Variants in ZFHX3 observed in about 807,000 individuals in gnomAD.
ZFHX3 encodes zinc finger homeobox protein 3.
ZFHX3 carries 42 observed loss-of-function variants against 279.1 expected under a neutral mutation model. The observed-to-expected ratio is 0.15, with a 90% CI of 0.12 to 0.19. The LOEUF (loss-of-function observed/expected upper bound fraction) is 0.19, where lower values mean the gene tolerates loss of function less well. Ranked by LOEUF, ZFHX3 falls within the 10% of genes least tolerant of loss-of-function variation. The probability of loss-of-function intolerance (pLI) is 1.00; values close to 1 mark genes in which losing one functional copy is unlikely to be tolerated. For missense variants in ZFHX3, 4,981 were observed against 4,754.0 expected (o/e 1.05, Z -1.40); for synonymous variants, 2,293 against 1,957.8 (o/e 1.17, Z -4.52).
intron 1 of ZFHX3, among the ~76,000 whole-genome samples, chr16:73,026,020 A>G (rs1964482918): frequency 1.3e-5 from 2 of 151,832 alleles, no homozygotes; most frequent in South Asian, 4.2e-4. Flanking sequence ...AAAGGAACAC[A>G]CCCATGTCTT....
chr16:72,799,911 G>C (rs1316599374), intron 8 of ZFHX3, 116 bp downstream of exon 8: 7 of 901,078 alleles, frequency 7.8e-6, no homozygotes, highest in Non-Finnish European at 1.3e-5. Flanking sequence ...CTCATCTCCT[G>C]ATCAGTTACA....
chr16:73,168,254 T>TCTTTCTTTCTTG (rs1967435764), intron 5 of ZFHX3, among the ~76,000 whole-genome samples: 2 of 149,228 alleles, frequency 1.3e-5, no homozygotes, highest in Non-Finnish European at 3.0e-5. Context: ...TTTCTTTCTT[T>TCTTTCTTTCTTG]CTTTCTTTCT....
chr16:73,347,398 G>A (rs1220641372), intron 3 of ZFHX3, among the ~76,000 whole-genome samples: 1 of 152,226 alleles, frequency 6.6e-6, no homozygotes, highest in Non-Finnish European at 1.5e-5. Flanking sequence ...CCCAGTCGTG[G>A]AAACACACTT....
intron 7 of ZFHX3, among the ~76,000 whole-genome samples, chr16:73,102,861 TGGCCTAGGTCA>T (rs1232281624): frequency 1.3e-5 from 2 of 152,228 alleles, no homozygotes; most frequent in Non-Finnish European, 2.9e-5. Context: ...ACGTGGTTCC[TGGCCTAGGTCA>T]GGCACTCAGT....
chr16:73,470,361 C>T (rs1202597974), intron 2 of ZFHX3, among the ~76,000 whole-genome samples: 1 of 152,214 alleles, frequency 6.6e-6, no homozygotes, highest in Non-Finnish European at 1.5e-5. Context: ...GAAATCCAGA[C>T]AGTCCTGGTC....
At chr16:73,374,630 T>C (rs1324309290) in intron 3 of ZFHX3, among the ~76,000 whole-genome samples, 2 of 152,254 alleles carry the variant, frequency 1.3e-5, no homozygotes, top group East Asian at 1.9e-4. Flanking sequence ...TTTTGAAGCC[T>C]GAATTAGGAT....
At chr16:73,063,511 A>G (rs1035705417), upstream of ZFHX3, among the ~76,000 whole-genome samples, 2 of 152,158 alleles carry the variant, frequency 1.3e-5, no homozygotes, top group African/African-American at 4.8e-5. Flanking sequence ...GCTCTGCCCT[A>G]AGGTTAAGCC....
In ZFHX3 at chr16:72,950,523, C is replaced by G; in HGVS notation, c.3162G>C (p.Lys1054Asn). 6.2e-7 allele frequency: 1 copy of G among 1,614,254 alleles called. No homozygotes were observed. Among genetic ancestry groups the G allele is most frequent in the Non-Finnish European group, 8.5e-7 (1 of 1,180,042 alleles). Reference sequence around the variant, plus strand: ...TGGAGTTGACCGTGTGCAGCCGCAGCTTCTCCAGGCTGTTGGTGTAGTAGT... The same window carrying G: ...TGGAGTTGACCGTGTGCAGCCGCAGGTTCTCCAGGCTGTTGGTGTAGTAGT... ...ACDYYTNSLE[K>N]LRLHTVNSRH... The change falls in exon 3 of 10, where the codon AAG (lysine) becomes AAC (asparagine). Residue 1054 changes from lysine (K) to asparagine (N), a missense_variant. Physicochemically the swap from Lys to Asn is moderately conservative, Grantham distance 94. Transcript: ENST00000268489.
chr16:73,851,349 T>G (rs986750114), intron 1 of ZFHX3, among the ~76,000 whole-genome samples: 1 of 152,104 alleles, frequency 6.6e-6, no homozygotes, highest in Admixed American at 6.6e-5. Context: ...GAAAGAGGGA[T>G]CCCAACAACT....
intron 5 of ZFHX3, chr16:73,144,467 G>A (rs937021843): frequency 1.3e-5 from 2 of 152,328 alleles, no homozygotes; most frequent in Non-Finnish European, 1.5e-5. Context: ...CCCAGCTCCC[G>A]AAGGGTTAAG....
chr16:72,972,113 G>T (rs558026507), intron 1 of ZFHX3, among the ~76,000 whole-genome samples: 4 of 152,152 alleles, frequency 2.6e-5, no homozygotes, highest in African/African-American at 9.6e-5. Flanking sequence ...GGCTGGTCTT[G>T]AACTCCTGAC....
chr16:73,483,285 T>G, intron 2 of ZFHX3: 2 of 429,514 alleles, frequency 4.7e-6, no homozygotes, highest in South Asian at 1.6e-5. Flanking sequence ...CATAGACACG[T>G]GCACGGAGCC....
intron 3 of ZFHX3, among the ~76,000 whole-genome samples, chr16:73,359,396 G>T (rs747632380): frequency 2.0e-5 from 3 of 152,160 alleles, no homozygotes; most frequent in Non-Finnish European, 4.4e-5. Context: ...GGGGGAAAAT[G>T]ACATCAATTA....
chr16:72,881,702 G>C (rs1182063838), intron 4 of ZFHX3, among the ~76,000 whole-genome samples: 1 of 152,090 alleles, frequency 6.6e-6, no homozygotes, highest in Non-Finnish European at 1.5e-5. Context: ...ATATGGGAGG[G>C]GTCTGCACAC....
chr16:73,301,041 C>T (rs757013599), intron 4 of ZFHX3, among the ~76,000 whole-genome samples: 13 of 152,170 alleles, frequency 8.5e-5, no homozygotes, highest in Non-Finnish European at 1.6e-4. Flanking sequence ...GAAATCTGGA[C>T]ATGTTCAGCA....
intron 1 of ZFHX3, among the ~76,000 whole-genome samples, chr16:73,815,057 A>G (rs1244285926): frequency 6.6e-6 from 1 of 152,244 alleles, no homozygotes; most frequent in African/African-American, 2.4e-5. Context: ...GAAATGCTAG[A>G]TAATGTGTAA....
intron 1 of ZFHX3, among the ~76,000 whole-genome samples, chr16:73,754,706 T>G (rs1597096265): frequency 6.6e-6 from 1 of 152,308 alleles, no homozygotes; most frequent in Middle Eastern, 3.4e-3. Flanking sequence ...TGAGACAGGC[T>G]TTTCTACACA....
At chr16:73,467,016 C>T (rs754960288) in intron 2 of ZFHX3, among the ~76,000 whole-genome samples, 58 of 152,202 alleles carry the variant, frequency 3.8e-4, no homozygotes, top group African/African-American at 1.2e-3. Flanking sequence ...GCCAGCTGCC[C>T]TAAGGATGGG....
intron 2 of ZFHX3, among the ~76,000 whole-genome samples, chr16:73,492,140 G>A (rs901219752): frequency 1.3e-5 from 2 of 152,102 alleles, no homozygotes; most frequent in Admixed American, 6.6e-5. Context: ...TGAAATCTGT[G>A]CAAAATGAAA....
Sources: gnomAD v4.1 joint callset for allele counts (sites outside exome capture counted in the v4.1 genomes callset) on GRCh38, gnomAD v4.1.1 for gene constraint, MANE v1.5 for transcripts, NCBI Gene and HGNC (gene_info 2026-07-23, HGNC 2026-07-21) for gene names.